SLC28A1: variants seen among roughly 807,000 people sequenced by gnomAD.
SLC28A1 encodes solute carrier family 28 member 1.
SLC28A1 carries 64 observed loss-of-function variants against 74.8 expected under a neutral mutation model. That is an observed-to-expected ratio of 0.86 (90% CI 0.70 to 1.05). The LOEUF (loss-of-function observed/expected upper bound fraction) is 1.05. Ranked by LOEUF, SLC28A1 falls within the 50% of genes least tolerant of loss-of-function variation. SLC28A1 has a pLI of 0.00. For synonymous variants in SLC28A1, 359 were observed against 335.0 expected, an observed-to-expected ratio of 1.07 and a Z score of -0.78; for missense variants, 828 against 822.8, an observed-to-expected ratio of 1.01 and a Z score of -0.08.
intron 6 of SLC28A1, among the ~76,000 whole-genome samples, chr15:84,896,467 G>A (rs571346380): frequency 1.2e-3 from 177 of 152,292 alleles, no homozygotes; most frequent in African/African-American, 3.8e-3. Flanking sequence ...TGGAGAAATT[G>A]AAACCCTTAG....
chr15:84,935,522 A>G lies in SLC28A1; in HGVS notation c.1581+4A>G. 1 of 1,611,372 alleles carries G rather than the reference A, an allele frequency of 6.2e-7. No individual in the cohort carries two copies. The highest frequency in any genetic ancestry group is 8.5e-7 in the Non-Finnish European group (1 of 1,179,072). The stretch of plus-strand genomic sequence containing the variant: ...CGACAGGAAGCAGTGGATCTCCGTG[A>G]GTGTCCCAGTCCCTTCCCTGCAGCA... On this transcript the variant is annotated splice_donor_region_variant and intron_variant, in intron 15 of 18. Transcript: ENST00000394573.
chr15:84,969,797 C>A, the SLC28A1 span, among the ~76,000 whole-genome samples: 1 of 152,228 alleles, frequency 6.6e-6, no homozygotes, highest in Admixed American at 6.5e-5. Context: ...GGAGAGAATG[C>A]AGGATCCCAG....
At position 84,927,878 on chromosome 15, in the gene SLC28A1, T is replaced by C. The variant is rs770194682; in HGVS notation, c.1083+3768T>C. ...TCAAAAATGGAAACCCAAAACTTTG[T>C]TCCTGAAACTTTTTTTCATGGCAGG... On this transcript the variant is annotated intron_variant, in intron 12 of 18. Transcript: ENST00000394573. 6.2e-5 allele frequency among the ~76,000 whole-genome samples: 9 copies of C among 145,012 alleles called. No individual in the cohort carries two copies. In the South Asian group the frequency reaches 1.8e-3, roughly 30 times the overall value.
Position 84,888,750 on chromosome 15 carries a change from G to C in SLC28A1, c.97-22G>C, listed in dbSNP as rs17222316. 2,939 of 1,539,104 alleles carry C rather than the reference G, an allele frequency of 1.9e-3. 96 individuals carry two copies. In the East Asian group the frequency reaches 0.061, roughly 32 times the overall value. ...GGGTGGGTAAGGGGCAGGCCGACCT[G>C]ACGGCTCCCTGCGGGCTGTAGGAGG... On this transcript the variant is annotated intron_variant, in intron 3 of 18. Coordinates refer to ENST00000394573, the MANE Select transcript of SLC28A1 (RefSeq NM_004213.5).
intron 6 of SLC28A1, among the ~76,000 whole-genome samples, chr15:84,899,756 A>G (rs946880681): frequency 6.6e-6 from 1 of 152,138 alleles, no homozygotes; most frequent in Non-Finnish European, 1.5e-5. Context: ...ATGCTAAAGG[A>G]GTGGCTCACA....
At chr15:84,912,801 C>CGCGCGCGT (rs1197196317) in intron 9 of SLC28A1, among the ~76,000 whole-genome samples, 16 of 61,210 alleles carry the variant, frequency 2.6e-4, no homozygotes, top group African/African-American at 5.4e-4. Context: ...AAATTTTGCG[C>CGCGCGCGT]GCGCGCACAC....
chr15:84,911,858 C>CAAAA (rs57067372), intron 9 of SLC28A1, among the ~76,000 whole-genome samples: 28 of 114,632 alleles, frequency 2.4e-4, no homozygotes, highest in East Asian at 1.3e-3. Flanking sequence ...GACTCCATCT[C>CAAAA]AAAAAAAAAA....
At position 84,886,756 on chromosome 15, in the gene SLC28A1, C is replaced by A. The variant is rs1000228073; in HGVS notation, c.-48C>A. 4.1e-6 allele frequency: 4 copies of A among 985,364 alleles called. No homozygotes were observed. Among genetic ancestry groups the A allele is most frequent in the Non-Finnish European group, 4.8e-6 (4 of 829,954 alleles). The allele number at this position is 985,364 out of a possible 1,614,324, so 61.0% of individuals were successfully genotyped here. On this transcript the variant is annotated 5_prime_UTR_variant, in exon 2 of 19. Transcript: ENST00000394573. ...CCCACAGAGACGTGTGCTTCCCTCT[C>A]TCTCTGAGAGCGACCTGTTAACCGC... is the stretch of plus-strand genomic sequence containing the variant.
At chr15:84,947,792 T>G (rs116835673), downstream of SLC28A1, among the ~76,000 whole-genome samples, 2,434 of 152,246 alleles carry the variant, frequency 0.016, 62 homozygotes, top group African/African-American at 0.055. Context: ...CCCCCCCTCC[T>G]AATACCTTCA....
At chr15:84,970,211 A>G in the SLC28A1 span, among the ~76,000 whole-genome samples, 4 of 152,182 alleles carry the variant, frequency 2.6e-5, no homozygotes, top group Admixed American at 6.5e-5. Context: ...TTTCTCACCC[A>G]GTCATTCCAG....
chr15:84,917,042 AAAT>A (rs774007061), intron 9 of SLC28A1, among the ~76,000 whole-genome samples: 307 of 10,060 alleles, frequency 0.031, 53 homozygotes, highest in East Asian at 0.26. Context: ...AAAAAAAAAT[AAAT>A]AAAAAAGGTA....
chr15:84,943,804 C>T (rs996939513), intron 16 of SLC28A1, among the ~76,000 whole-genome samples: 6 of 152,034 alleles, frequency 3.9e-5, no homozygotes, highest in Admixed American at 6.6e-5. Context: ...TGGTGCACGC[C>T]TGTGATCCCA....
At chr15:84,967,732 G>A in the SLC28A1 span, among the ~76,000 whole-genome samples, 1 of 152,168 alleles carries the variant, frequency 6.6e-6, no homozygotes, top group Non-Finnish European at 1.5e-5. Context: ...CGAGGCCCTG[G>A]GGTGTTGCAT....
rs982493947 is a variant in SLC28A1, at chr15:84,900,509, A to G, written c.462-3588A>G. Among the ~76,000 whole-genome samples the G allele has an allele frequency of 2.6e-5, 4 of 152,074 alleles. 1 individual carries two copies. Among genetic ancestry groups the G allele is most frequent in the Non-Finnish European group, 5.9e-5 (4 of 68,028 alleles). On this transcript the variant is annotated intron_variant, in intron 6 of 18. Transcript: ENST00000394573. ...TAGACAGAAACCTGGTTCTACAAAA[A>G]GAAATGGGGTCAGGCGCAGTGGCTA...
chr15:84,923,425 C>T (rs1157918949), intron 11 of SLC28A1, among the ~76,000 whole-genome samples: 1 of 152,164 alleles, frequency 6.6e-6, no homozygotes, highest in African/African-American at 2.4e-5. Context: ...ACGCCATGTT[C>T]CTATTCTATA....
At chr15:84,959,503 C>G in the SLC28A1 span, among the ~76,000 whole-genome samples, 1 of 151,866 alleles carries the variant, frequency 6.6e-6, no homozygotes, top group Non-Finnish European at 1.5e-5. Flanking sequence ...TTAGACCCTC[C>G]GAATTTATCT....
chr15:84,906,563 TCTCTTTCTTTCTTCCTTCCTTC>T (rs1567140473), intron 8 of SLC28A1, among the ~76,000 whole-genome samples: 1 of 67,988 alleles, frequency 1.5e-5, no homozygotes, highest in Non-Finnish European at 2.8e-5. Flanking sequence ...TTTCTTTCTT[TCTCTTTCTTTCTTCCTTCCTTC>T]CTTCCTTCCT....
chr15:84,923,976 T>C lies in SLC28A1; in HGVS notation c.958-9T>C, dbSNP rs3825875. 626,555 of 1,613,304 alleles carry C rather than the reference T, an allele frequency of 0.39. 123,458 individuals are homozygous for C. Among genetic ancestry groups the C allele is most frequent in the South Asian group, 0.5 (45,950 of 91,044 alleles). On this transcript the variant is annotated splice_polypyrimidine_tract_variant and intron_variant, in intron 11 of 18. Transcript: ENST00000394573. ...CACCCTGCTTGTCTGACATCTTTCC[T>C]GTTTGCAGACCGAGGCTCCATTACT...
intron 11 of SLC28A1, among the ~76,000 whole-genome samples, chr15:84,923,747 C>T (rs1049265128): frequency 3.3e-5 from 5 of 152,014 alleles, no homozygotes; most frequent in South Asian, 2.1e-4. Flanking sequence ...GTGCCTGGCA[C>T]GTGGCAGGAC....
Sources: gnomAD v4.1 joint callset for allele counts (sites outside exome capture counted in the v4.1 genomes callset) on GRCh38, gnomAD v4.1.1 for gene constraint, MANE v1.5 for transcripts, NCBI Gene and HGNC (gene_info 2026-07-23, HGNC 2026-07-21) for gene names.